SNAP91: variants seen among roughly 807,000 people sequenced by gnomAD.
SNAP91 encodes the protein clathrin coat assembly protein AP180.
In SNAP91, 27 loss-of-function variants were observed where a neutral mutation model predicts 100.3. That is an observed-to-expected ratio of 0.27 (90% CI 0.20 to 0.37). The LOEUF is 0.37. SNAP91 is among the 10% of genes least tolerant of loss of function. SNAP91 has a pLI of 1.00. For synonymous variants in SNAP91, 404 were observed against 398.6 expected, an observed-to-expected ratio of 1.01 and a Z score of -0.16; for missense variants, 986 against 1,123.7, an observed-to-expected ratio of 0.88 and a Z score of 1.75.
intron 2 of SNAP91, among the ~76,000 whole-genome samples, chr6:83,671,148 GGTCT>G (rs144305821): frequency 0.021 from 3,219 of 151,902 alleles, 47 homozygotes; most frequent in Non-Finnish European, 0.033. Context: ...CCATGTACAT[GGTCT>G]GTCTATTTAT....
chr6:83,600,737 T>C (rs1292286609), intron 16 of SNAP91, among the ~76,000 whole-genome samples: 2 of 152,252 alleles, frequency 1.3e-5, no homozygotes, highest in Non-Finnish European at 2.9e-5. Context: ...TCCAAGTTTT[T>C]ATTTGGACAG....
chr6:83,572,296 G>A (rs1338445139), intron 26 of SNAP91, among the ~76,000 whole-genome samples: 1 of 152,066 alleles, frequency 6.6e-6, no homozygotes, highest in East Asian at 1.9e-4. Flanking sequence ...CCCACGGCTG[G>A]AGTGTAGTAG....
chr6:83,696,267 G>A (rs745944449), intron 2 of SNAP91, among the ~76,000 whole-genome samples: 7 of 152,188 alleles, frequency 4.6e-5, no homozygotes, highest in South Asian at 4.1e-4. Flanking sequence ...GGTGCATAGC[G>A]ATATTACAGT....
At chr6:83,697,958 T>C (rs935855354) in intron 2 of SNAP91, among the ~76,000 whole-genome samples, 2 of 152,032 alleles carry the variant, frequency 1.3e-5, no homozygotes, top group African/African-American at 4.8e-5. Flanking sequence ...AATCCCACTA[T>C]AGCTCTGGGA....
intron 2 of SNAP91, among the ~76,000 whole-genome samples, chr6:83,666,409 C>T (rs1292432667): frequency 3.3e-5 from 5 of 152,034 alleles, no homozygotes; most frequent in Non-Finnish European, 7.4e-5. Flanking sequence ...ACAGGATGAC[C>T]TCTTCAGGAC....
At chr6:83,670,750 G>GAAA (rs905073764) in intron 2 of SNAP91, among the ~76,000 whole-genome samples, 5 of 151,324 alleles carry the variant, frequency 3.3e-5, no homozygotes, top group African/African-American at 9.7e-5. Context: ...GCCATTTGCT[G>GAAA]AAAAAAAACT....
At chr6:83,623,181 G>C (rs1240450882) in intron 9 of SNAP91, 120 bp downstream of exon 9, 2 of 681,112 alleles carry the variant, frequency 2.9e-6, no homozygotes, top group African/African-American at 3.6e-5. Context: ...TAATTTCCAA[G>C]AAAGTTGGTT....
intron 14 of SNAP91, among the ~76,000 whole-genome samples, chr6:83,603,969 A>C (rs1027355339): frequency 6.6e-6 from 1 of 152,162 alleles, no homozygotes; most frequent in African/African-American, 2.4e-5. Context: ...TATGTGTCTT[A>C]GCAAAAAGTA....
intron 8 of SNAP91, among the ~76,000 whole-genome samples, chr6:83,633,875 TCC>T (rs1172406573): frequency 6.7e-6 from 1 of 148,464 alleles, no homozygotes; most frequent in South Asian, 2.1e-4. Flanking sequence ...ATTCACACCC[TCC>T]CCCGAGTTCT....
intron 21 of SNAP91, among the ~76,000 whole-genome samples, chr6:83,591,766 C>T (rs2093779304): frequency 6.6e-6 from 1 of 152,122 alleles, no homozygotes; most frequent in Non-Finnish European, 1.5e-5. Context: ...TCAGACACTG[C>T]AACATCTTTG....
intron 7 of SNAP91, among the ~76,000 whole-genome samples, chr6:83,655,830 A>G (rs1399802290): frequency 6.6e-6 from 1 of 152,060 alleles, no homozygotes; most frequent in African/African-American, 2.4e-5. Flanking sequence ...TTTCTTTCCC[A>G]TTTCTCCCTC....
intron 2 of SNAP91, among the ~76,000 whole-genome samples, chr6:83,692,398 G>A (rs561795026): frequency 8.6e-5 from 13 of 151,946 alleles, no homozygotes; most frequent in East Asian, 5.8e-4. Context: ...ACCTGTAATC[G>A]CAGGTACTCA....
In SNAP91 at chr6:83,593,589, C is replaced by A. The variant is rs185738452; in HGVS notation, c.1585G>T (p.Val529Phe). ...PATAPSPAPA[V>F]AAAAAATTAA... ...GTAGTGGCAGCAGCAGCAGCTGCAA[C>A]GGCAGGAGCAGGAGAAGGAGCAGTT... The change falls in exon 18 of 30, where the codon GTT becomes TTT. Residue 529 changes from valine to phenylalanine, a missense_variant. Physicochemically the swap from Val to Phe is conservative, Grantham distance 50 (BLOSUM62 -1). Coordinates refer to ENST00000369694, the MANE Select transcript of SNAP91 (RefSeq NM_001242792.2). 3 of 1,570,474 alleles carry A rather than the reference C, an allele frequency of 1.9e-6. No homozygotes were observed. The highest frequency in any genetic ancestry group is 2.4e-5 in the East Asian group (1 of 42,172).
intron 8 of SNAP91, among the ~76,000 whole-genome samples, chr6:83,638,790 A>C (rs1227421909): frequency 6.6e-6 from 1 of 152,162 alleles, no homozygotes; most frequent in Non-Finnish European, 1.5e-5. Flanking sequence ...TAGAGGATTA[A>C]AGTGTGTTAC....
intron 14 of SNAP91, among the ~76,000 whole-genome samples, chr6:83,603,445 A>T (rs1449084356): frequency 5.3e-5 from 8 of 150,914 alleles, no homozygotes; most frequent in Admixed American, 5.3e-4. Context: ...CTCAGGCTGG[A>T]CTCTTAACTA....
At chr6:83,562,795 C>A (rs1487767239) in intron 26 of SNAP91, among the ~76,000 whole-genome samples, 1 of 152,154 alleles carries the variant, frequency 6.6e-6, no homozygotes, top group Non-Finnish European at 1.5e-5. Context: ...ATATCCTGGA[C>A]CCCAATAAAG....
chr6:83,693,456 A>T (rs1244766801), intron 2 of SNAP91, among the ~76,000 whole-genome samples: 1 of 152,218 alleles, frequency 6.6e-6, no homozygotes, highest in African/African-American at 2.4e-5. Context: ...TGAATAAAAA[A>T]TTATTTTAAA....
rs679806 is a variant in SNAP91, at chr6:83,643,471, G to C, written c.659-2269C>G. Among the ~76,000 whole-genome samples the C allele has an allele frequency of 4.6e-5, 7 of 152,126 alleles. No homozygotes were observed. In the South Asian group the frequency reaches 1.0e-3, roughly 23 times the overall value. ...AATCCTTTTCCCATTTCTTGTTTTT[G>C]TCAGGTTTGTCAAAGATCAGATAGT... is the stretch of plus-strand genomic sequence containing the variant. On this transcript the variant is annotated intron_variant, in intron 7 of 29. Coordinates refer to ENST00000369694, the MANE Select transcript of SNAP91 (RefSeq NM_001242792.2).
chr6:83,604,750 T>C (rs1019156627), intron 14 of SNAP91, among the ~76,000 whole-genome samples: 11 of 152,180 alleles, frequency 7.2e-5, no homozygotes, highest in African/African-American at 2.7e-4. Flanking sequence ...TGATTTTTAT[T>C]ACCCTATAGG....
Sources: gnomAD v4.1 joint callset for allele counts (sites outside exome capture counted in the v4.1 genomes callset) on GRCh38, gnomAD v4.1.1 for gene constraint, MANE v1.5 for transcripts, NCBI Gene and HGNC (gene_info 2026-07-23, HGNC 2026-07-21) for gene names.